ANP32B: variants seen among roughly 807,000 people sequenced by gnomAD.
ANP32B encodes the protein acidic leucine-rich nuclear phosphoprotein 32 family member B.
ANP32B carries 6 observed loss-of-function variants against 32.2 expected under a neutral mutation model. The ratio of observed to expected loss-of-function variants is 0.19; its 90% CI spans 0.10 to 0.37. The LOEUF is 0.37. Among genes scored for constraint, ANP32B ranks in the 10% least tolerant of loss-of-function variants. The probability of loss-of-function intolerance (pLI) is 1.00; values close to 1 mark genes in which losing one functional copy is unlikely to be tolerated. For synonymous variants in ANP32B, 98 were observed against 105.8 expected, an observed-to-expected ratio of 0.93 and a Z score of 0.45; for missense variants, 204 against 289.2, an observed-to-expected ratio of 0.71 and a Z score of 2.14.
chr9:97,996,103 G>A (rs1827901224), intron 2 of ANP32B, among the ~76,000 whole-genome samples: 1 of 152,118 alleles, frequency 6.6e-6, no homozygotes, highest in Non-Finnish European at 1.5e-5. Context: ...GTATACTAGA[G>A]GTTCAAGTAT....
intron 4 of ANP32B, among the ~76,000 whole-genome samples, chr9:98,009,499 G>C (rs767855579): frequency 6.6e-6 from 1 of 152,214 alleles, no homozygotes; most frequent in African/African-American, 2.4e-5. Context: ...GGGATGAAAC[G>C]GTTCCACCTT....
Position 98,000,882 on chromosome 9 carries a change from T to C in ANP32B, c.327+2204T>C, listed in dbSNP as rs1051697801. On this transcript the variant is annotated intron_variant, in intron 3 of 6. Coordinates refer to ENST00000339399, the MANE Select transcript of ANP32B (RefSeq NM_006401.3). ...GGTTGCAGTGAGCTGAGATCATGCC[T>C]CTGCACTCCAGCCTGGGTGACAGAA... Among the ~76,000 whole-genome samples the C allele has an allele frequency of 1.2e-4, 18 of 148,264 alleles. 1 individual carries two copies. Among genetic ancestry groups the C allele is most frequent in the Non-Finnish European group, 1.0e-4 (7 of 67,362 alleles).
At chr9:97,993,047 T>C (rs999052007) in intron 1 of ANP32B, among the ~76,000 whole-genome samples, 1 of 152,176 alleles carries the variant, frequency 6.6e-6, no homozygotes, top group African/African-American at 2.4e-5. Context: ...AGTTGACCTA[T>C]TAAGTTTTCA....
At chr9:98,001,840 A>G (rs1317115535) in intron 3 of ANP32B, among the ~76,000 whole-genome samples, 3 of 151,886 alleles carry the variant, frequency 2.0e-5, no homozygotes, top group African/African-American at 7.3e-5. Context: ...TGCATGTTTT[A>G]TTAGTAATTG....
intron 6 of ANP32B, among the ~76,000 whole-genome samples, chr9:98,014,376 C>G (rs1023915546): frequency 1.3e-5 from 2 of 152,166 alleles, no homozygotes; most frequent in East Asian, 3.9e-4. Context: ...CCACTGCACT[C>G]CAGCCTGGGC....
intron 4 of ANP32B, among the ~76,000 whole-genome samples, chr9:98,010,276 GT>G (rs1256884868): frequency 1.7e-4 from 20 of 118,480 alleles, no homozygotes; most frequent in African/African-American, 3.5e-4. Flanking sequence ...TTTTTTTTTT[GT>G]TTTTTTTTTT....
intron 1 of ANP32B, among the ~76,000 whole-genome samples, chr9:97,988,793 G>A (rs951725027): frequency 3.9e-5 from 6 of 152,150 alleles, no homozygotes; most frequent in African/African-American, 1.4e-4. Context: ...ATGGGTAGAA[G>A]ATTTGAATAC....
Position 98,012,448 on chromosome 9 carries a change from G to A in ANP32B, c.664G>A (p.Asp222Asn). 2.5e-6 allele frequency: 4 copies of A among 1,611,548 alleles called. No homozygotes were observed. The highest frequency in any genetic ancestry group is 3.4e-6 in the Non-Finnish European group (4 of 1,178,530). The change falls in exon 6 of 7, where the codon GAT becomes AAT. Residue 222 changes from aspartate (D) to asparagine (N), a missense_variant. Coordinates refer to ENST00000339399, the MANE Select transcript of ANP32B (RefSeq NM_006401.3). ...EEEEFGLDEEDEDEDEDEEEE... is the reference protein window; with the variant it reads ...EEEEFGLDEENEDEDEDEEEE... ...AGAAGAATTTGGACTTGATGAAGAA[G>A]ATGAAGATGAGGATGAGGATGAAGG...
chr9:98,011,540 T>G, intron 5 of ANP32B, 151 bp downstream of exon 5: 1 of 1,243,442 alleles, frequency 8.0e-7, no homozygotes, highest in Non-Finnish European at 1.1e-6. Context: ...GTTAATTTAG[T>G]GTTTGTCTGG....
At chr9:98,015,281 C>T in intron 6 of ANP32B, 83 bp from the exon 7 acceptor site, 2 of 1,524,742 alleles carry the variant, frequency 1.3e-6, no homozygotes, top group South Asian at 1.2e-5. Context: ...CTGTCAAAAA[C>T]TTTGTTGTTG....
At chr9:98,006,966 C>T (rs1376730108) in intron 4 of ANP32B, among the ~76,000 whole-genome samples, 2 of 150,734 alleles carry the variant, frequency 1.3e-5, no homozygotes, top group African/African-American at 4.9e-5. Context: ...TTAGCCTGGG[C>T]GATAGAGCAA....
intron 3 of ANP32B, chr9:98,002,303 A>G (rs2131587678): frequency 6.6e-6 from 1 of 152,344 alleles, no homozygotes; most frequent in Non-Finnish European, 1.5e-5. Flanking sequence ...CAAAGAAGGC[A>G]TCAATTCAAA....
chr9:98,009,499 G>T (rs767855579), intron 4 of ANP32B, among the ~76,000 whole-genome samples: 1 of 152,214 alleles, frequency 6.6e-6, no homozygotes, highest in Non-Finnish European at 1.5e-5. Context: ...GGGATGAAAC[G>T]GTTCCACCTT....
chr9:97,994,498 GAT>G, intron 1 of ANP32B, 131 bp from the exon 2 acceptor site: 1 of 753,808 alleles, frequency 1.3e-6, no homozygotes, highest in Non-Finnish European at 2.1e-6. Flanking sequence ...TTATAACTAT[GAT>G]CTAGGTCTAA....
chr9:97,985,002 G>T (rs1031968437), intron 1 of ANP32B, among the ~76,000 whole-genome samples: 5 of 150,794 alleles, frequency 3.3e-5, no homozygotes, highest in Non-Finnish European at 7.4e-5. Flanking sequence ...CGTGGGCGTG[G>T]GTCCGACCTG....
At chr9:97,985,998 T>A (rs1827725401) in intron 1 of ANP32B, among the ~76,000 whole-genome samples, 1 of 152,186 alleles carries the variant, frequency 6.6e-6, no homozygotes, top group Admixed American at 6.5e-5. Context: ...ATTTTGTATT[T>A]TTAGTAGAGG....
intron 1 of ANP32B, chr9:97,986,890 AGGGCGAATAG>A (rs1391799747): frequency 6.6e-6 from 1 of 152,254 alleles, no homozygotes; most frequent in African/African-American, 2.4e-5. Flanking sequence ...GTGTTTGAAG[AGGGCGAATAG>A]GGGTTTAATT....
intron 4 of ANP32B, 106 bp from the exon 5 acceptor site, chr9:98,011,165 G>T: frequency 5.5e-6 from 8 of 1,453,082 alleles, no homozygotes; most frequent in East Asian, 2.5e-5. Context: ...ACTGCAGTTC[G>T]TGGCCTTACA....
Position 98,015,530 on chromosome 9 carries a change from C to T in ANP32B, c.*99C>T. On this transcript the variant is annotated 3_prime_UTR_variant, in exon 7 of 7. Transcript: ENST00000339399. ...AAAAAAAAAAAAGGTAGCTGTGATA[C>T]AAACCCCAGGACACCCACCCACCCA... The T allele has an allele frequency of 2.1e-6, 3 of 1,455,800 alleles. No individual in the cohort carries two copies. The highest frequency in any genetic ancestry group is 1.4e-5 in the South Asian group (1 of 69,594). The allele number at this position is 1,455,800 out of a possible 1,614,324, so 90.2% of individuals were successfully genotyped here.
Sources: allele counts gnomAD v4.1 joint callset (sites outside exome capture counted in the v4.1 genomes callset), GRCh38; gene constraint gnomAD v4.1.1; transcripts MANE v1.5; gene names NCBI Gene and HGNC (gene_info 2026-07-23, HGNC 2026-07-21).